Variants in ZNF385D observed in about 807,000 individuals in gnomAD.
ZNF385D encodes the protein zinc finger protein 659.
Under a neutral mutation model 35.8 loss-of-function variants are expected in ZNF385D, and 15 were observed. That is an observed-to-expected ratio of 0.42 (90% CI 0.28 to 0.64). The LOEUF is 0.64. ZNF385D is among the 30% of genes least tolerant of loss of function. The pLI, the probability that ZNF385D is intolerant of heterozygous loss-of-function variation, is 0.23. For missense variants in ZNF385D, 474 were observed against 494.6 expected (o/e 0.96, Z 0.39); for synonymous variants, 212 against 186.8 (o/e 1.13, Z -1.10).
rs528313656 is a variant in ZNF385D at position 22,089,855 on chromosome 3, G to T, written c.325+78962C>A. ...AACAATTTTTTATTTTATTTTATTT[G>T]AGATGGAGTCTTGCTCTGTGGTCAG... On this transcript the variant is annotated intron_variant, in intron 3 of 5. Transcript: ENST00000494108. Among the ~76,000 whole-genome samples the T allele has an allele frequency of 5.9e-5, 9 of 152,036 alleles. No individual in the cohort carries two copies. The South Asian group carries it at 1.9e-3, about 32-fold the overall frequency.
intron 3 of ZNF385D, 107 bp from the exon 4 acceptor site, chr3:21,511,130 G>A (rs1266582687): frequency 2.9e-6 from 4 of 1,384,838 alleles, no homozygotes; most frequent in Admixed American, 2.2e-5. Flanking sequence ...TACCATTCGA[G>A]CTAATTCTGG....
intron 2 of ZNF385D, among the ~76,000 whole-genome samples, chr3:22,342,276 C>CA (rs766689054): frequency 0.14 from 7,451 of 53,128 alleles, 878 homozygotes; most frequent in African/African-American, 0.21. Context: ...GACTCCGCCT[C>CA]AAAAAAAAAA....
rs186209180 is a variant in ZNF385D at position 21,972,170 on chromosome 3, T to C, written c.325+196647A>G. 2.2e-3 allele frequency among the ~76,000 whole-genome samples: 338 copies of C among 152,158 alleles called. 3 individuals are homozygous for C. Among genetic ancestry groups the C allele is most frequent in the African/African-American group, 7.6e-3 (317 of 41,566 alleles). ...AATATACATTCTTTTTCTCAGCATA[T>C]GAATCATTCTCAAGGATAGACCATA... On this transcript the variant is annotated intron_variant, in intron 3 of 5. Coordinates refer to the ZNF385D transcript ENST00000494108.
At chr3:22,008,378 G>A (rs776113607) in intron 3 of ZNF385D, among the ~76,000 whole-genome samples, 6 of 26,282 alleles carry the variant, frequency 2.3e-4, no homozygotes, top group South Asian at 1.3e-3. Flanking sequence ...TTTTTGAGGC[G>A]GAGTCTCGCT....
At chr3:22,222,710 A>G (rs1321531347) in intron 2 of ZNF385D, among the ~76,000 whole-genome samples, 1 of 152,210 alleles carries the variant, frequency 6.6e-6, no homozygotes, top group Non-Finnish European at 1.5e-5. Flanking sequence ...AAATGAAAGA[A>G]CGGATATAAA....
chr3:21,746,880 G>A (rs1240748284), intron 1 of ZNF385D, among the ~76,000 whole-genome samples: 2 of 152,088 alleles, frequency 1.3e-5, no homozygotes, highest in African/African-American at 4.8e-5. Flanking sequence ...TAGTTTGGAG[G>A]TGAACTTGAT....
rs573630407 is a variant in ZNF385D at position 22,324,102 on chromosome 3, G to C, written c.106+48348C>G. 3.0e-3 allele frequency among the ~76,000 whole-genome samples: 455 copies of C among 152,132 alleles called. 3 individuals are homozygous for C. The highest frequency in any genetic ancestry group is 9.1e-3 in the African/African-American group (377 of 41,542). On this transcript the variant is annotated intron_variant, in intron 2 of 5. Transcript: ENST00000494108. ...TTGTGCTAAAAAATAATTATAACTTGGCGGGGAAAGGAATAGATGGATACC... is the reference window on the plus strand; with the variant it reads ...TTGTGCTAAAAAATAATTATAACTTCGCGGGGAAAGGAATAGATGGATACC...
intron 1 of ZNF385D, among the ~76,000 whole-genome samples, chr3:21,666,452 C>T (rs187862059): frequency 3.9e-4 from 59 of 152,242 alleles, no homozygotes; most frequent in African/African-American, 1.3e-3. Context: ...AATAATAGCA[C>T]GGCCAACAAT....
At chr3:21,702,390 C>G (rs1196092309) in intron 1 of ZNF385D, among the ~76,000 whole-genome samples, 1 of 152,190 alleles carries the variant, frequency 6.6e-6, no homozygotes, top group Admixed American at 6.5e-5. Context: ...CCCTAGGGTG[C>G]CACAGCACGG....
At chr3:21,725,108 G>A (rs926464975) in intron 1 of ZNF385D, among the ~76,000 whole-genome samples, 1 of 152,114 alleles carries the variant, frequency 6.6e-6, no homozygotes, top group African/African-American at 2.4e-5. Flanking sequence ...AATGAGGGCA[G>A]AAATAAAGAT....
chr3:21,986,685 C>T (rs1459872989), intron 3 of ZNF385D, among the ~76,000 whole-genome samples: 49 of 139,064 alleles, frequency 3.5e-4, no homozygotes, highest in Middle Eastern at 3.8e-3. Flanking sequence ...CTATTAGGTC[C>T]GCTTGGTGCA....
intron 3 of ZNF385D, among the ~76,000 whole-genome samples, chr3:22,070,097 T>C (rs1317745843): frequency 1.3e-5 from 2 of 152,174 alleles, no homozygotes; most frequent in African/African-American, 4.8e-5. Flanking sequence ...AAAAACACAT[T>C]AATTTCCTAT....
At chr3:22,309,349 A>G (rs1416653437) in intron 2 of ZNF385D, among the ~76,000 whole-genome samples, 3 of 152,158 alleles carry the variant, frequency 2.0e-5, no homozygotes, top group Non-Finnish European at 4.4e-5. Context: ...TCCGTCCTAT[A>G]ATAAATGATT....
chr3:21,588,970 G>T (rs1255442708), intron 2 of ZNF385D, among the ~76,000 whole-genome samples: 1 of 152,084 alleles, frequency 6.6e-6, no homozygotes, highest in African/African-American at 2.4e-5. Context: ...ATTTTTCTAG[G>T]TTTTGGGGTT....
At chr3:21,562,437 G>A (rs1417273769) in intron 3 of ZNF385D, among the ~76,000 whole-genome samples, 1 of 151,988 alleles carries the variant, frequency 6.6e-6, no homozygotes, top group African/African-American at 2.4e-5. Context: ...CTCATCACTG[G>A]GAATAATCAA....
chr3:21,949,554 C>CTTTTTTTTTTT (rs372298558), intron 3 of ZNF385D, among the ~76,000 whole-genome samples: 33 of 112,872 alleles, frequency 2.9e-4, no homozygotes, highest in East Asian at 1.0e-3. Flanking sequence ...TTCTTTCTTT[C>CTTTTTTTTTTT]TTTTTTTTTT....
At chr3:22,085,489 A>G (rs574810393) in intron 3 of ZNF385D, among the ~76,000 whole-genome samples, 4 of 152,316 alleles carry the variant, frequency 2.6e-5, no homozygotes, top group African/African-American at 9.6e-5. Context: ...AAATGGATAA[A>G]TTCCTCGACA....
At chr3:22,237,725 C>A (rs191553420) in intron 2 of ZNF385D, among the ~76,000 whole-genome samples, 1 of 152,274 alleles carries the variant, frequency 6.6e-6, no homozygotes, top group African/African-American at 2.4e-5. Flanking sequence ...CTCACTAGAA[C>A]CTCCGCCTCA....
intron 3 of ZNF385D, among the ~76,000 whole-genome samples, chr3:21,807,856 T>C (rs540022452): frequency 8.5e-5 from 13 of 152,326 alleles, no homozygotes; most frequent in African/African-American, 2.6e-4. Context: ...GTGTCATAGT[T>C]ACCTAGTTGC....
Sources: gnomAD v4.1 joint callset for allele counts (sites outside exome capture counted in the v4.1 genomes callset) on GRCh38, gnomAD v4.1.1 for gene constraint, MANE v1.5 for transcripts, NCBI Gene and HGNC (gene_info 2026-07-23, HGNC 2026-07-21) for gene names.